The following PIWIL1 variants were observed in gnomAD, a reference collection of about 807,000 sequenced individuals.
PIWIL1 encodes the protein piwi like RNA-mediated gene silencing 1.
Under a neutral mutation model 114.4 loss-of-function variants are expected in PIWIL1, and 73 were observed. That is an observed-to-expected ratio of 0.64 (90% CI 0.53 to 0.78). PIWIL1 has a LOEUF of 0.78. Among genes scored for constraint, PIWIL1 ranks in the 30% least tolerant of loss-of-function variants. The pLI is 0.00. For missense variants in PIWIL1, 723 were observed against 1,063.1 expected, an observed-to-expected ratio of 0.68 and a Z score of 4.45; for synonymous variants, 375 against 369.0, an observed-to-expected ratio of 1.02 and a Z score of -0.19.
At chr12:130,378,265 G>T in the PIWIL1 span, among the ~76,000 whole-genome samples, 4 of 152,156 alleles carry the variant, frequency 2.6e-5, no homozygotes, top group Non-Finnish European at 4.4e-5. Context: ...GCTTCTTTTG[G>T]TCTGCCTGGT....
intron 19 of PIWIL1, among the ~76,000 whole-genome samples, chr12:130,369,023 A>T (rs1246934946): frequency 2.0e-5 from 3 of 152,032 alleles, no homozygotes; most frequent in Non-Finnish European, 4.4e-5. Context: ...CTCATGCATT[A>T]GCTATTTATC....
the PIWIL1 span, among the ~76,000 whole-genome samples, chr12:130,394,112 C>T: frequency 6.6e-6 from 1 of 152,220 alleles, no homozygotes; most frequent in Non-Finnish European, 1.5e-5. Flanking sequence ...CTGCATAGCT[C>T]CTCCTGCTCC....
At chr12:130,340,972 G>A (rs1436478739) in intron 1 of PIWIL1, among the ~76,000 whole-genome samples, 8 of 152,098 alleles carry the variant, frequency 5.3e-5, no homozygotes, top group Non-Finnish European at 7.4e-5. Context: ...ATAGGAAGTC[G>A]GAGGTTTTTA....
intron 18 of PIWIL1, 73 bp downstream of exon 18, chr12:130,363,217 A>T (rs1029920890): frequency 1.4e-6 from 2 of 1,440,224 alleles, no homozygotes; most frequent in Middle Eastern, 2.0e-4. Context: ...TAGCATCACA[A>T]GATGAAAGGA....
downstream of PIWIL1, among the ~76,000 whole-genome samples, chr12:130,373,400 G>A (rs1038054841): frequency 6.6e-6 from 1 of 152,166 alleles, no homozygotes; most frequent in Admixed American, 6.5e-5. Flanking sequence ...CTTTAGAACC[G>A]TGAAAAATTG....
chr12:130,363,612 C>CTTTTTTTTTTTTT (rs34198016), intron 18 of PIWIL1, among the ~76,000 whole-genome samples: 2 of 82,382 alleles, frequency 2.4e-5, no homozygotes, highest in Non-Finnish European at 2.1e-5. Context: ...TACTTTCTCC[C>CTTTTTTTTTTTTT]TTTTTTTTTT....
At chr12:130,421,231 C>T in the PIWIL1 span, among the ~76,000 whole-genome samples, 9 of 152,286 alleles carry the variant, frequency 5.9e-5, no homozygotes, top group South Asian at 1.0e-3. Flanking sequence ...TTAGAATACC[C>T]GAAAGGAATC....
At chr12:130,422,103 C>T in the PIWIL1 span, among the ~76,000 whole-genome samples, 2 of 152,172 alleles carry the variant, frequency 1.3e-5, no homozygotes, top group African/African-American at 4.8e-5. The surrounding 1 kb of genome is among the most constrained non-coding windows in gnomAD (Gnocchi z 5.2). Flanking sequence ...ACGCTGACAT[C>T]CAGCTTCTGC....
At chr12:130,348,937 T>A (rs2073142826) in intron 7 of PIWIL1, among the ~76,000 whole-genome samples, 1 of 152,174 alleles carries the variant, frequency 6.6e-6, no homozygotes, top group African/African-American at 2.4e-5. Flanking sequence ...CCAACAGGTT[T>A]AAGTTTATCA....
rs779435954 is a variant in PIWIL1, at chr12:130,342,553, T to C, written c.-12-27T>C. The C allele has an allele frequency of 2.2e-6, 3 of 1,365,328 alleles. No homozygotes were observed. The Admixed American group carries it at 5.1e-5, about 23-fold the overall frequency. The allele number at this position is 1,365,328 out of a possible 1,614,324, so 84.6% of individuals were successfully genotyped here. On this transcript the variant is annotated intron_variant, in intron 1 of 20. Coordinates refer to ENST00000245255, the MANE Select transcript of PIWIL1 (RefSeq NM_004764.5). ...CAAATGCGATTGCCTCCATTGAGTA[T>C]TGTCTTCAAGATTGTTTCCTCTCCA... is the stretch of plus-strand genomic sequence containing the variant.
chr12:130,385,580 T>G, the PIWIL1 span, among the ~76,000 whole-genome samples: 2 of 152,222 alleles, frequency 1.3e-5, no homozygotes, highest in Non-Finnish European at 2.9e-5. Context: ...GTGAACGGCT[T>G]ATAGATGTTT....
intron 19 of PIWIL1, among the ~76,000 whole-genome samples, chr12:130,368,040 C>T (rs189529032): frequency 4.6e-5 from 7 of 152,260 alleles, no homozygotes; most frequent in Non-Finnish European, 8.8e-5. Flanking sequence ...TCAAGTGATC[C>T]GCTCGCGTCA....
rs143043032 is a variant in PIWIL1, at chr12:130,359,477, C to T, written c.1666-1703C>T. ...ATAACCATTCCCTGCCCTGCTCTTG[C>T]TGCCATGAGCCCCTGGGTGTTGGGG... On this transcript the variant is annotated intron_variant, in intron 14 of 20. Transcript: ENST00000245255. Among the ~76,000 whole-genome samples the T allele has an allele frequency of 1.9e-3, 283 of 152,306 alleles. 2 individuals are homozygous for T. The highest frequency in any genetic ancestry group is 3.2e-3 in the Non-Finnish European group (218 of 68,032).
At chr12:130,371,445 T>C (rs781527969) in intron 20 of PIWIL1, 37 bp from the exon 21 acceptor site, 1 of 1,609,342 alleles carries the variant, frequency 6.2e-7, no homozygotes, top group Non-Finnish European at 8.5e-7. Flanking sequence ...AGAGGCTAAG[T>C]CTAGAGTAAT....
At chr12:130,347,157 A>G (rs1018587130) in intron 6 of PIWIL1, 95 bp downstream of exon 6, 1 of 929,174 alleles carries the variant, frequency 1.1e-6, no homozygotes, top group African/African-American at 1.7e-5. Flanking sequence ...GATTTTCAGC[A>G]TTGGTTGGGA....
At chr12:130,377,515 G>A (rs73150861), downstream of PIWIL1, among the ~76,000 whole-genome samples, 10,982 of 152,318 alleles carry the variant, frequency 0.072, 550 homozygotes, top group South Asian at 0.19. Context: ...AGGTGGGGCC[G>A]TCCAGACAGG....
intron 1 of PIWIL1, among the ~76,000 whole-genome samples, chr12:130,340,419 A>G (rs2072875726): frequency 6.6e-6 from 1 of 151,944 alleles, no homozygotes; most frequent in Non-Finnish European, 1.5e-5. Context: ...ACCTCGGATT[A>G]TCAGGCATTA....
chr12:130,344,985 A>G (rs2073033926), intron 3 of PIWIL1, among the ~76,000 whole-genome samples: 1 of 152,240 alleles, frequency 6.6e-6, no homozygotes, highest in African/African-American at 2.4e-5. Flanking sequence ...TCTTTTACAC[A>G]AGATAACATG....
intron 16 of PIWIL1, among the ~76,000 whole-genome samples, chr12:130,362,058 G>A (rs1158706530): frequency 6.6e-5 from 10 of 152,148 alleles, no homozygotes; most frequent in African/African-American, 7.2e-5. Context: ...ATTAGTAATG[G>A]ATATATTTCA....
Sources: gnomAD v4.1 joint callset for allele counts (sites outside exome capture counted in the v4.1 genomes callset) on GRCh38, gnomAD v4.1.1 for gene constraint, Gnocchi (gnomAD v3.1) non-coding constraint, MANE v1.5 for transcripts, NCBI Gene and HGNC (gene_info 2026-07-23, HGNC 2026-07-21) for gene names.